Variants in ZXDC observed in about 807,000 individuals in gnomAD.
ZXDC encodes the protein zinc finger protein ZXDC.
A neutral mutation model predicts 63.6 loss-of-function variants in ZXDC; 58 were observed. The observed-to-expected ratio is 0.91, with a 90% CI of 0.74 to 1.13. The LOEUF is 1.13. Among genes scored for constraint, ZXDC ranks in the 50% most tolerant of loss-of-function variants. The probability of loss-of-function intolerance (pLI) is 0.00; values close to 1 mark genes in which losing one functional copy is unlikely to be tolerated. For synonymous variants in ZXDC, 561 were observed against 496.1 expected (o/e 1.13, Z -1.74); for missense variants, 1,133 against 1,148.9 (o/e 0.99, Z 0.20).
chr3:126,460,238 C>G (rs1345610551), intron 6 of ZXDC: 1 of 787,936 alleles, frequency 1.3e-6, no homozygotes, highest in Admixed American at 6.2e-5. Flanking sequence ...GTACTGAATT[C>G]AGGAACTTGC....
intron 7 of ZXDC, chr3:126,453,635 A>G (rs1934194097): frequency 5.1e-6 from 5 of 985,458 alleles, no homozygotes; most frequent in Non-Finnish European, 6.0e-6. Flanking sequence ...CTGGCTCAAG[A>G]GCTCAAACTT....
At position 126,461,700 on chromosome 3, in the gene ZXDC, T is replaced by A. The variant is rs1438457783; in HGVS notation, c.1962A>T (p.Glu654Asp). Reference protein sequence around the residue: ...STPRENASVPELLAPIKVEPD... With the variant: ...STPRENASVPDLLAPIKVEPD... ...GCTCCACCTTGATTGGAGCCAGCAG[T>A]TCCGGGACACTGGCATTTTCTCGGG... Residue 654 changes from glutamate to aspartate, a missense_variant, in exon 6 of 10, where the codon GAA (glutamate) becomes GAT (aspartate). Transcript: ENST00000389709. The A allele has an allele frequency of 6.2e-7, 1 of 1,613,086 alleles. No homozygotes were observed. Among genetic ancestry groups the A allele is most frequent in the Non-Finnish European group, 8.5e-7 (1 of 1,179,746 alleles).
At chr3:126,472,469 T>C (rs967031593) in intron 1 of ZXDC, among the ~76,000 whole-genome samples, 164 bp from the exon 2 acceptor site, 46 of 152,228 alleles carry the variant, frequency 3.0e-4, no homozygotes, top group African/African-American at 1.1e-3. Context: ...CTTGGCTTTG[T>C]GATCACCACA....
intron 7 of ZXDC, chr3:126,451,266 T>C (rs1934089861): frequency 1.0e-6 from 1 of 985,222 alleles, no homozygotes; most frequent in Non-Finnish European, 1.2e-6. Flanking sequence ...ACTGCTTGTT[T>C]CCAGGTAAAT....
intron 1 of ZXDC, among the ~76,000 whole-genome samples, chr3:126,473,162 TC>T (rs1935041571): frequency 6.6e-6 from 1 of 152,190 alleles, no homozygotes; most frequent in Admixed American, 6.5e-5. Context: ...CTCAATCTGG[TC>T]CCAAAATACC....
At chr3:126,463,332 G>A (rs559759482) in intron 5 of ZXDC, among the ~76,000 whole-genome samples, 2 of 152,292 alleles carry the variant, frequency 1.3e-5, no homozygotes, top group Admixed American at 1.3e-4. Context: ...GCCTCCCAAA[G>A]TGCTGGGATT....
intron 7 of ZXDC, chr3:126,451,713 T>C: frequency 1.0e-6 from 1 of 985,378 alleles, no homozygotes; most frequent in Non-Finnish European, 1.2e-6. Flanking sequence ...GTTGCCATCC[T>C]CCTCATGACC....
intron 5 of ZXDC, among the ~76,000 whole-genome samples, chr3:126,463,823 A>G (rs1455505240): frequency 6.6e-6 from 1 of 152,190 alleles, no homozygotes; most frequent in Non-Finnish European, 1.5e-5. Context: ...ATTATATTTT[A>G]TATTTTTAAT....
At position 126,441,914 on chromosome 3, in the gene ZXDC, C is replaced by T; in HGVS notation, c.2245G>A (p.Glu749Lys). ...ASQSTQRKIK[E>K]GKMSPPHFHA... is the part of the protein sequence containing the mutation. ...AAATGGGGAGGACTCATTTTGCCTT[C>T]TTTTATTTTTCTCTGAGTAGACTGT... Residue 749 changes from glutamate (E) to lysine (K), a missense_variant, in exon 8 of 10, where the codon GAA (glutamate) becomes AAA (lysine). Transcript: ENST00000389709. The T allele has an allele frequency of 6.2e-7, 1 of 1,611,054 alleles. No individual in the cohort carries two copies. Among genetic ancestry groups the T allele is most frequent in the African/African-American group, 1.3e-5 (1 of 74,848 alleles).
chr3:126,441,752 G>A lies in ZXDC; in HGVS notation c.2394+13C>T. 1.3e-6 allele frequency: 2 copies of A among 1,574,898 alleles called. No individual in the cohort carries two copies. Among genetic ancestry groups the A allele is most frequent in the Non-Finnish European group, 1.7e-6 (2 of 1,163,954 alleles). On this transcript the variant is annotated intron_variant, in intron 8 of 9. Coordinates refer to ENST00000389709, the MANE Select transcript of ZXDC (RefSeq NM_025112.5). Reference sequence around the variant, plus strand: ...CCGCCTACAGCTGGCCTGTGTGACTGGCCAGCTCTCACCTGCACCAGCTGG... The same window carrying A: ...CCGCCTACAGCTGGCCTGTGTGACTAGCCAGCTCTCACCTGCACCAGCTGG...
chr3:126,454,681 G>A (rs1934241178), intron 7 of ZXDC: 2 of 985,298 alleles, frequency 2.0e-6, no homozygotes, highest in African/African-American at 3.5e-5. Context: ...TCTTGCTGCT[G>A]TCTCCTCTGA....
chr3:126,454,955 A>T, intron 7 of ZXDC: 1 of 985,454 alleles, frequency 1.0e-6, no homozygotes, highest in Non-Finnish European at 1.2e-6. Context: ...TTCAAATGCT[A>T]TTGCTCAGAC....
At position 126,437,784 on chromosome 3, in the gene ZXDC, T is replaced by C. The variant is rs1370888758; in HGVS notation, c.*591A>G. 1 of 153,096 alleles carries C rather than the reference T, an allele frequency of 6.5e-6. No individual in the cohort carries two copies. The highest frequency in any genetic ancestry group is 1.5e-5 in the Non-Finnish European group (1 of 68,642). 9.5% of individuals were successfully genotyped at this position (153,096 alleles called of 1,614,324 possible). ...GGAAGAGGGCTCCGTAATAGGCCAC[T>C]GAGGTCCTCTGTCCCACCACATCAT... On this transcript the variant is annotated 3_prime_UTR_variant, in exon 10 of 10. Coordinates refer to ENST00000389709, the MANE Select transcript of ZXDC (RefSeq NM_025112.5).
Position 126,471,844 on chromosome 3 carries a change from A to G in ZXDC, c.1139+129T>C, listed in dbSNP as rs1434821890. The G allele has an allele frequency of 6.9e-6, 5 of 724,588 alleles. No individual in the cohort carries two copies. The East Asian group carries it at 1.3e-4, about 18-fold the overall frequency. The allele number at this position is 724,588 out of a possible 1,614,324, so 44.9% of individuals were successfully genotyped here. ...TTTTTACAGTTTTCTGAATTTTCCA[A>G]ATCATCAACACTGAGCTCCTTTTTT... On this transcript the variant is annotated intron_variant, in intron 3 of 9. Transcript: ENST00000389709.
intron 8 of ZXDC, chr3:126,441,452 C>T: frequency 8.6e-7 from 1 of 1,159,814 alleles, no homozygotes; most frequent in Non-Finnish European, 1.1e-6. Context: ...CAAAACAGCC[C>T]TGGGGGCCTC....
chr3:126,453,624 A>G (rs1934193802), intron 7 of ZXDC: 1 of 985,474 alleles, frequency 1.0e-6, no homozygotes, highest in Non-Finnish European at 1.2e-6. Context: ...CAGGGAAGTC[A>G]CTGGCTCAAG....
chr3:126,471,167 T>A, intron 3 of ZXDC, 142 bp from the exon 4 acceptor site: 1 of 1,255,948 alleles, frequency 8.0e-7, no homozygotes, highest in African/African-American at 1.5e-5. Context: ...ATTCTGTCTT[T>A]AATCCATGTG....
In ZXDC at chr3:126,463,923, T is replaced by G. The variant is rs374873347; in HGVS notation, c.1442-1703A>C. Among the ~76,000 whole-genome samples the G allele has an allele frequency of 2.6e-5, 4 of 152,192 alleles. No homozygotes were observed. The East Asian group carries it at 5.8e-4, about 22-fold the overall frequency. ...TTTAGTTGTCATATTACTTTAAAGA[T>G]TAAAAAAAGTATCAATATAGTATCA... On this transcript the variant is annotated intron_variant, in intron 5 of 9. Coordinates refer to ENST00000389709, the MANE Select transcript of ZXDC (RefSeq NM_025112.5).
intron 7 of ZXDC, chr3:126,451,150 A>G (rs1040853627): frequency 1.0e-6 from 1 of 985,332 alleles, no homozygotes; most frequent in African/African-American, 1.7e-5. Flanking sequence ...TTCATGTTTT[A>G]ATTACACAAA....
Sources: gnomAD v4.1 joint callset for allele counts (sites outside exome capture counted in the v4.1 genomes callset) on GRCh38, gnomAD v4.1.1 for gene constraint, MANE v1.5 for transcripts, NCBI Gene and HGNC (gene_info 2026-07-23, HGNC 2026-07-21) for gene names.